The following MAP7 variants were observed in gnomAD, a reference collection of about 807,000 sequenced individuals.
MAP7 encodes ensconsin.
In MAP7, 52 loss-of-function variants were observed where a neutral mutation model predicts 94.8. That is an observed-to-expected ratio of 0.55 (90% CI 0.44 to 0.69). MAP7 has a LOEUF of 0.69. Ranked by LOEUF, MAP7 falls within the 30% of genes least tolerant of loss-of-function variation. The pLI is 0.00. For missense variants in MAP7, 940 were observed against 964.6 expected (o/e 0.97, Z 0.34); for synonymous variants, 350 against 357.0 (o/e 0.98, Z 0.22).
intron 6 of MAP7, 92 bp from the exon 7 acceptor site, chr6:136,377,960 G>T: frequency 7.0e-6 from 6 of 859,694 alleles, no homozygotes; most frequent in Non-Finnish European, 1.1e-5. Context: ...CATACGCTGG[G>T]CCTTCACAGG....
intron 2 of MAP7, 125 bp from the exon 3 acceptor site, chr6:136,411,822 A>T: frequency 1.4e-6 from 1 of 725,330 alleles, no homozygotes; most frequent in East Asian, 2.7e-5. Flanking sequence ...ACTTTACAAC[A>T]ATAAGTACAT....
intron 1 of MAP7, among the ~76,000 whole-genome samples, chr6:136,535,641 A>G (rs1175374662): frequency 6.6e-6 from 1 of 152,154 alleles, no homozygotes; most frequent in Non-Finnish European, 1.5e-5. Context: ...CCAGAACACT[A>G]AAAGCCTTTA....
chr6:136,519,364 C>T (rs1583127735), intron 1 of MAP7, among the ~76,000 whole-genome samples: 1 of 152,220 alleles, frequency 6.6e-6, no homozygotes, highest in Non-Finnish European at 1.5e-5. Context: ...TTGCCTAGCC[C>T]TAAAATGCCA....
intron 1 of MAP7, among the ~76,000 whole-genome samples, chr6:136,439,219 ATGAGGC>A (rs1479891959): frequency 1.3e-5 from 2 of 152,294 alleles, no homozygotes; most frequent in East Asian, 3.9e-4. Flanking sequence ...TGATTAAGTC[ATGAGGC>A]TGGGATTAGT....
chr6:136,392,486 T>C (rs1781078573), intron 3 of MAP7, among the ~76,000 whole-genome samples: 1 of 151,112 alleles, frequency 6.6e-6, no homozygotes. Flanking sequence ...AATGGCTATA[T>C]AGTATTTTAT....
chr6:136,535,704 C>CT lies in MAP7; in HGVS notation c.67+14637dup, dbSNP rs774380150. 2.8e-3 allele frequency among the ~76,000 whole-genome samples: 390 copies of CT among 139,084 alleles called. 2 individuals are homozygous for CT. Among genetic ancestry groups the CT allele is most frequent in the Middle Eastern group, 0.012 (3 of 260 alleles). 91.2% of individuals were successfully genotyped at this position (139,084 alleles called of 152,430 possible). On this transcript the variant is annotated intron_variant, in intron 1 of 17. Transcript: ENST00000354570. ...TAGGATTGAGTGCCAAGCTTAGAAG[C>CT]TTTTTTTTTCTTTTTTTTTTAGTAT...
intron 15 of MAP7, among the ~76,000 whole-genome samples, chr6:136,358,588 A>G (rs1791635329): frequency 6.6e-6 from 1 of 152,176 alleles, no homozygotes. Context: ...GTCCCAAAAT[A>G]CCAATAATAC....
intron 1 of MAP7, among the ~76,000 whole-genome samples, chr6:136,438,347 T>G (rs1386500272): frequency 6.6e-6 from 1 of 152,216 alleles, no homozygotes; most frequent in Non-Finnish European, 1.5e-5. Flanking sequence ...AAATTAGAAG[T>G]GGTCAGAAAG....
intron 2 of MAP7, chr6:136,420,188 A>C: frequency 1.0e-6 from 1 of 998,616 alleles, no homozygotes; most frequent in Non-Finnish European, 1.6e-6. Flanking sequence ...GGGCCCCCAG[A>C]TGACTGGATC....
intron 1 of MAP7, among the ~76,000 whole-genome samples, chr6:136,440,215 G>T (rs371774171): frequency 4.3e-4 from 65 of 152,336 alleles, no homozygotes; most frequent in African/African-American, 1.5e-3. Flanking sequence ...AGCAGTCACT[G>T]TTCCAGACAT....
At chr6:136,536,369 G>A (rs1376034709) in intron 1 of MAP7, among the ~76,000 whole-genome samples, 1 of 152,058 alleles carries the variant, frequency 6.6e-6, no homozygotes, top group Admixed American at 6.5e-5. Context: ...TAAGCACTCA[G>A]GGGACACTAC....
intron 1 of MAP7, among the ~76,000 whole-genome samples, chr6:136,548,620 T>C (rs1227216635): frequency 6.6e-6 from 1 of 152,188 alleles, no homozygotes; most frequent in Non-Finnish European, 1.5e-5. Context: ...GACAGGCACA[T>C]GGTTGATTTG....
At chr6:136,480,663 A>AG (rs1812547704) in intron 1 of MAP7, among the ~76,000 whole-genome samples, 1 of 150,312 alleles carries the variant, frequency 6.7e-6, no homozygotes, top group Non-Finnish European at 1.5e-5. Flanking sequence ...AAAAAAAAAA[A>AG]AAAAAAGAAA....
intron 2 of MAP7, among the ~76,000 whole-genome samples, chr6:136,416,372 A>T (rs1408273847): frequency 6.6e-6 from 1 of 152,218 alleles, no homozygotes; most frequent in Non-Finnish European, 1.5e-5. Context: ...ATTTATCTTT[A>T]AAGGTAGGTT....
At chr6:136,525,697 C>T in intron 1 of MAP7, 1 of 892,080 alleles carries the variant, frequency 1.1e-6, no homozygotes, top group Non-Finnish European at 1.6e-6. Flanking sequence ...TAAACACTAC[C>T]AGCAAACCGT....
intron 3 of MAP7, among the ~76,000 whole-genome samples, chr6:136,394,090 T>A (rs916200474): frequency 4.7e-5 from 7 of 149,820 alleles, no homozygotes; most frequent in Non-Finnish European, 1.0e-4. Context: ...TTCAAACGAT[T>A]CTCCTGCCTC....
chr6:136,370,933 A>G (rs532421823), intron 8 of MAP7, among the ~76,000 whole-genome samples: 21 of 150,968 alleles, frequency 1.4e-4, no homozygotes, highest in Non-Finnish European at 2.4e-4. Context: ...ACAACTAAAT[A>G]TTTTTTAAAA....
At chr6:136,492,217 T>C (rs1480004986) in intron 1 of MAP7, among the ~76,000 whole-genome samples, 2 of 152,222 alleles carry the variant, frequency 1.3e-5, no homozygotes, top group African/African-American at 4.8e-5. Context: ...GCAGACATTA[T>C]GGAATATATA....
intron 1 of MAP7, among the ~76,000 whole-genome samples, chr6:136,431,663 G>A (rs1046560282): frequency 6.6e-5 from 10 of 152,050 alleles, no homozygotes; most frequent in South Asian, 2.1e-4. Flanking sequence ...GACTACAGGC[G>A]CGTGCCACCA....
Sources: gnomAD v4.1 joint callset for allele counts (sites outside exome capture counted in the v4.1 genomes callset) on GRCh38, gnomAD v4.1.1 for gene constraint, MANE v1.5 for transcripts, NCBI Gene and HGNC (gene_info 2026-07-23, HGNC 2026-07-21) for gene names.